The following NEGR1 variants were observed in gnomAD, a reference collection of about 807,000 sequenced individuals.
NEGR1 encodes the protein neuronal growth regulator 1, also known as IgLON family member 4.
In NEGR1, 10 loss-of-function variants were observed where a neutral mutation model predicts 40.9. The ratio of observed to expected loss-of-function variants is 0.24; its 90% CI spans 0.15 to 0.42. NEGR1 has a LOEUF of 0.42. Ranked by LOEUF, NEGR1 falls within the 10% of genes least tolerant of loss-of-function variation. The probability of loss-of-function intolerance (pLI) is 1.00; values close to 1 mark genes in which losing one functional copy is unlikely to be tolerated. For synonymous variants in NEGR1, 185 were observed against 166.8 expected (o/e 1.11, Z -0.84); for missense variants, 352 against 438.9 (o/e 0.80, Z 1.77).
intron 1 of NEGR1, among the ~76,000 whole-genome samples, chr1:72,115,984 T>A (rs1170369272): frequency 6.6e-6 from 1 of 151,794 alleles, no homozygotes; most frequent in Non-Finnish European, 1.5e-5. Flanking sequence ...TGTACTTTTA[T>A]GTGTAGCCTA....
At chr1:71,984,016 ATG>A (rs991738977) in intron 1 of NEGR1, among the ~76,000 whole-genome samples, 2 of 118,998 alleles carry the variant, frequency 1.7e-5, no homozygotes, top group African/African-American at 5.3e-5. Flanking sequence ...AATTAATAAA[ATG>A]TGTCTCTGAA....
chr1:72,108,331 A>G (rs1330263744), intron 1 of NEGR1, among the ~76,000 whole-genome samples: 1 of 151,582 alleles, frequency 6.6e-6, no homozygotes, highest in African/African-American at 2.4e-5. Flanking sequence ...GTCATCTTCC[A>G]TAAGACATTT....
intron 6 of NEGR1, among the ~76,000 whole-genome samples, chr1:71,429,127 T>A (rs74633993): frequency 3.3e-5 from 5 of 151,808 alleles, no homozygotes; most frequent in Admixed American, 6.6e-5. Context: ...TTTTTTTTAA[T>A]TTTTTTTTCA....
At chr1:71,545,110 A>G (rs1309779316) in intron 6 of NEGR1, among the ~76,000 whole-genome samples, 1 of 151,630 alleles carries the variant, frequency 6.6e-6, no homozygotes, top group East Asian at 2.0e-4. Context: ...CTGCCCCCCA[A>G]CCAAAAACAA....
At chr1:71,759,739 A>T (rs1463026145) in intron 3 of NEGR1, among the ~76,000 whole-genome samples, 3 of 149,140 alleles carry the variant, frequency 2.0e-5, no homozygotes, top group Non-Finnish European at 3.0e-5. Flanking sequence ...CCTCCCAAGT[A>T]GCTGGGATTA....
intron 4 of NEGR1, among the ~76,000 whole-genome samples, chr1:71,676,944 G>T (rs890363020): frequency 1.3e-5 from 2 of 152,174 alleles, no homozygotes; most frequent in African/African-American, 4.8e-5. Context: ...AGGAGTGTAA[G>T]TTGCAGTTTA....
chr1:71,612,862 C>T (rs1261952280), intron 4 of NEGR1, among the ~76,000 whole-genome samples: 2 of 151,818 alleles, frequency 1.3e-5, no homozygotes, highest in Admixed American at 6.6e-5. Context: ...TTGGTGTGGC[C>T]GACACAAAGA....
At chr1:71,983,312 A>G (rs1373780161) in intron 1 of NEGR1, among the ~76,000 whole-genome samples, 2 of 152,192 alleles carry the variant, frequency 1.3e-5, no homozygotes, top group Non-Finnish European at 2.9e-5. Context: ...TGATGAAGCT[A>G]TAAGTACTTC....
chr1:71,950,764 G>C (rs1254228989), intron 1 of NEGR1, among the ~76,000 whole-genome samples: 1 of 151,844 alleles, frequency 6.6e-6, no homozygotes, highest in African/African-American at 2.4e-5. Context: ...TGTCTTTGTA[G>C]TCAATACTAA....
intron 2 of NEGR1, among the ~76,000 whole-genome samples, chr1:71,834,034 C>T (rs1180425478): frequency 1.3e-5 from 2 of 152,080 alleles, no homozygotes; most frequent in East Asian, 3.9e-4. Flanking sequence ...GTTTGTTGAA[C>T]AAATAAATGA....
chr1:71,967,151 T>C (rs1646216447), intron 1 of NEGR1, among the ~76,000 whole-genome samples: 1 of 152,070 alleles, frequency 6.6e-6, no homozygotes, highest in South Asian at 2.1e-4. Context: ...GACAAAAACA[T>C]GAGAGCAGAG....
chr1:72,172,988 G>GT (rs1188722743), intron 1 of NEGR1, among the ~76,000 whole-genome samples: 1 of 151,892 alleles, frequency 6.6e-6, no homozygotes, highest in African/African-American at 2.4e-5. Flanking sequence ...CCAAGGTCAA[G>GT]TTTTTTCATT....
intron 1 of NEGR1, among the ~76,000 whole-genome samples, chr1:72,243,968 G>C (rs1360697375): frequency 2.6e-5 from 4 of 151,802 alleles, no homozygotes; most frequent in African/African-American, 7.2e-5. Context: ...GTGATTTATA[G>C]AGAAAGCTAG....
At chr1:71,763,914 G>A (rs1172687049) in intron 3 of NEGR1, among the ~76,000 whole-genome samples, 1 of 151,954 alleles carries the variant, frequency 6.6e-6, no homozygotes, top group East Asian at 1.9e-4. Flanking sequence ...CAAAGACAAA[G>A]AGGAGCATTC....
At chr1:71,999,842 C>G (rs1033156361) in intron 1 of NEGR1, among the ~76,000 whole-genome samples, 1 of 150,868 alleles carries the variant, frequency 6.6e-6, no homozygotes, top group South Asian at 2.1e-4. Flanking sequence ...ACTTTATTTA[C>G]TTTGTCACAG....
chr1:71,974,587 G>A (rs745799800), intron 1 of NEGR1, among the ~76,000 whole-genome samples: 6 of 152,042 alleles, frequency 3.9e-5, no homozygotes, highest in Non-Finnish European at 8.8e-5. Context: ...AGTAATAGTG[G>A]TATATCCTAA....
At chr1:71,589,018 T>C (rs1001980756) in intron 6 of NEGR1, among the ~76,000 whole-genome samples, 8 of 152,264 alleles carry the variant, frequency 5.3e-5, no homozygotes, top group South Asian at 4.1e-4. Context: ...TTATTATCCA[T>C]GTCTCTATTT....
intron 1 of NEGR1, among the ~76,000 whole-genome samples, chr1:71,976,986 A>G (rs1375765718): frequency 6.6e-6 from 1 of 152,182 alleles, no homozygotes; most frequent in Admixed American, 6.5e-5. Context: ...GAAATTTTAG[A>G]TAATAGTTAC....
intron 2 of NEGR1, among the ~76,000 whole-genome samples, chr1:71,858,339 TA>T (rs575391042): frequency 8.9e-4 from 136 of 152,182 alleles, no homozygotes; most frequent in Admixed American, 2.0e-3. Flanking sequence ...AGGTAAGTTT[TA>T]AAAGCCACTA....
Sources: gnomAD v4.1 joint callset for allele counts (sites outside exome capture counted in the v4.1 genomes callset) on GRCh38, gnomAD v4.1.1 for gene constraint, MANE v1.5 for transcripts, NCBI Gene and HGNC (gene_info 2026-07-23, HGNC 2026-07-21) for gene names.